The following NELL1 variants were observed in gnomAD, a reference collection of about 807,000 sequenced individuals.
The protein encoded by NELL1 is neural EGFL like 1, also known as protein kinase C-binding protein NELL1.
In NELL1, 76 loss-of-function variants were observed where a neutral mutation model predicts 107.4. The ratio of observed to expected loss-of-function variants is 0.71; its 90% CI spans 0.59 to 0.86. NELL1 has a LOEUF of 0.86. Among genes scored for constraint, NELL1 ranks in the 40% least tolerant of loss-of-function variants. NELL1 has a pLI of 0.00. For synonymous variants in NELL1, 353 were observed against 341.2 expected (o/e 1.03, Z -0.38); for missense variants, 1,024 against 1,005.5 (o/e 1.02, Z -0.25).
At chr11:21,165,625 T>C (rs1461506254) in intron 13 of NELL1, among the ~76,000 whole-genome samples, 1 of 149,386 alleles carries the variant, frequency 6.7e-6, no homozygotes, top group East Asian at 1.9e-4. Context: ...TTCACTCTCA[T>C]GTTTATTGCT....
intron 4 of NELL1, among the ~76,000 whole-genome samples, chr11:20,874,025 A>G (rs1254736636): frequency 3.3e-5 from 5 of 152,066 alleles, no homozygotes; most frequent in Admixed American, 3.3e-4. Flanking sequence ...TTGGCCTCCC[A>G]AAGTGCTGGG....
chr11:21,312,622 G>A (rs1006307761), intron 14 of NELL1, among the ~76,000 whole-genome samples: 1 of 152,050 alleles, frequency 6.6e-6, no homozygotes, highest in Non-Finnish European at 1.5e-5. Flanking sequence ...TTAGAGGATT[G>A]AAGTAAACTG....
At chr11:21,343,750 A>G (rs1462805935) in intron 14 of NELL1, among the ~76,000 whole-genome samples, 2 of 152,210 alleles carry the variant, frequency 1.3e-5, no homozygotes, top group Non-Finnish European at 2.9e-5. Flanking sequence ...TTACAAAAAA[A>G]TAGATGGCAG....
intron 14 of NELL1, among the ~76,000 whole-genome samples, chr11:21,350,842 C>A (rs1850793405): frequency 6.6e-6 from 1 of 152,068 alleles, no homozygotes; most frequent in South Asian, 2.1e-4. Context: ...TGGAGGAATA[C>A]AGGAGGGACT....
At position 21,560,309 on chromosome 11, in the gene NELL1, A is replaced by G; in HGVS notation, c.1907A>G (p.His636Arg). The G allele has an allele frequency of 6.2e-7, 1 of 1,613,194 alleles. No individual in the cohort carries two copies. Among genetic ancestry groups the G allele is most frequent in the East Asian group, 2.2e-5 (1 of 44,694 alleles). Residue 636 changes from histidine to arginine, a missense_variant, in exon 17 of 20, where the codon CAT (histidine) becomes CGT (arginine). Physicochemically the swap from His to Arg is conservative, Grantham distance 29. Transcript: ENST00000357134. ...CCCTCCTGCTCTGGTGACTGTCCTC[A>G]TGAAGGGGGGCTGAAGCACAATGGC... ...SGPSCSGDCP[H>R]EGGLKHNGQV...
chr11:21,345,356 C>T (rs966055328), intron 14 of NELL1, among the ~76,000 whole-genome samples: 2 of 152,266 alleles, frequency 1.3e-5, no homozygotes, highest in South Asian at 4.1e-4. Context: ...TGTACCCTAT[C>T]CCCACCTTCT....
chr11:21,003,094 A>G (rs1229175789), intron 12 of NELL1, among the ~76,000 whole-genome samples: 6 of 152,158 alleles, frequency 3.9e-5, no homozygotes, highest in African/African-American at 1.4e-4. Context: ...AGCATTTTCT[A>G]TTGAATAAAC....
rs1849702034 is a variant in NELL1, at chr11:21,309,545, T to G, written c.1550-61308T>G. Among the ~76,000 whole-genome samples, 4 of 152,030 alleles carry G rather than the reference T, an allele frequency of 2.6e-5. No homozygotes were observed. The South Asian group carries it at 8.3e-4, about 32-fold the overall frequency. ...TTTTAATCTTTCACTTTACAAATACTAACTTATTCTTCATTCCAGTCGGTA... is the reference window on the plus strand; with the variant it reads ...TTTTAATCTTTCACTTTACAAATACGAACTTATTCTTCATTCCAGTCGGTA... On this transcript the variant is annotated intron_variant, in intron 14 of 19. Coordinates refer to ENST00000357134, the MANE Select transcript of NELL1 (RefSeq NM_006157.5).
chr11:20,782,344 G>A (rs187924184), intron 2 of NELL1, among the ~76,000 whole-genome samples: 29 of 152,302 alleles, frequency 1.9e-4, no homozygotes, highest in African/African-American at 6.5e-4. Flanking sequence ...CCATGGTGGA[G>A]GACAAACATT....
intron 12 of NELL1, among the ~76,000 whole-genome samples, chr11:20,991,630 T>C (rs368797760): frequency 3.4e-4 from 52 of 152,054 alleles, no homozygotes; most frequent in African/African-American, 1.1e-3. Flanking sequence ...GGCCAGCACA[T>C]TGGGACGTGC....
chr11:21,340,107 A>G (rs1484076108), intron 14 of NELL1, among the ~76,000 whole-genome samples: 1 of 152,168 alleles, frequency 6.6e-6, no homozygotes, highest in African/African-American at 2.4e-5. Context: ...TAGCCAGCTC[A>G]TCATACACAA....
At chr11:21,023,956 T>C (rs1304965497) in intron 12 of NELL1, among the ~76,000 whole-genome samples, 4 of 152,136 alleles carry the variant, frequency 2.6e-5, no homozygotes, top group African/African-American at 7.2e-5. Context: ...GCATAGAAAC[T>C]ATTCTACCAA....
intron 14 of NELL1, among the ~76,000 whole-genome samples, chr11:21,358,659 C>A (rs192782234): frequency 1.3e-5 from 2 of 148,574 alleles, no homozygotes; most frequent in Non-Finnish European, 3.0e-5. Context: ...TCGGGTGATC[C>A]GCCTGCCTCA....
At chr11:20,917,432 C>T (rs957248228) in intron 5 of NELL1, among the ~76,000 whole-genome samples, 1 of 151,974 alleles carries the variant, frequency 6.6e-6, no homozygotes, top group South Asian at 2.1e-4. Flanking sequence ...GCAGCACTCT[C>T]TTAAGTCTAT....
chr11:21,548,420 C>G (rs751140681), intron 16 of NELL1, among the ~76,000 whole-genome samples: 1 of 151,812 alleles, frequency 6.6e-6, no homozygotes, highest in Non-Finnish European at 1.5e-5. Context: ...ACTCACAGTT[C>G]CACATGGCTG....
intron 2 of NELL1, among the ~76,000 whole-genome samples, chr11:20,714,318 C>A (rs1397258423): frequency 6.7e-6 from 1 of 149,998 alleles, no homozygotes; most frequent in African/African-American, 2.5e-5. Context: ...GTTCTCCTGC[C>A]TCAGCCTCCT....
intron 12 of NELL1, among the ~76,000 whole-genome samples, chr11:20,992,136 C>A (rs1017572151): frequency 6.6e-6 from 1 of 152,114 alleles, no homozygotes; most frequent in African/African-American, 2.4e-5. Flanking sequence ...TGGGGCAACT[C>A]TGTAAACAGG....
At position 20,919,293 on chromosome 11, in the gene NELL1, A is replaced by G. The variant is rs2134160727; in HGVS notation, c.718A>G (p.Ile240Val). Residue 240 changes from isoleucine (I) to valine (V), a missense_variant, in exon 7 of 20, where the codon ATA becomes GTA. Physicochemically the swap from Ile to Val is conservative, Grantham distance 29. Transcript: ENST00000357134. ...CSDFLSLVQGIMDLQELLAKM... is the reference protein window; with the variant it reads ...CSDFLSLVQGVMDLQELLAKM... The stretch of plus-strand genomic sequence containing the variant: ...TGATTTCTTAAGCCTGGTGCAAGGA[A>G]TAATGGATTTACAAGAGCTTTTGGC... 1 of 1,607,438 alleles carries G rather than the reference A, an allele frequency of 6.2e-7. No homozygotes were observed. Among genetic ancestry groups the G allele is most frequent in the Non-Finnish European group, 8.5e-7 (1 of 1,176,032 alleles).
intron 13 of NELL1, among the ~76,000 whole-genome samples, chr11:21,158,210 T>A (rs578057976): frequency 1.1e-4 from 16 of 152,296 alleles, no homozygotes; most frequent in Non-Finnish European, 1.5e-4. Context: ...CTCTTGGGCC[T>A]TTGGCCAGAG....
Sources: allele counts gnomAD v4.1 joint callset (sites outside exome capture counted in the v4.1 genomes callset), GRCh38; gene constraint gnomAD v4.1.1; transcripts MANE v1.5; gene names NCBI Gene and HGNC (gene_info 2026-07-23, HGNC 2026-07-21).